SEC14L1: variants seen among roughly 807,000 people sequenced by gnomAD.
The protein encoded by SEC14L1 is SEC14 like lipid binding 1.
SEC14L1 carries 48 observed loss-of-function variants against 85.3 expected under a neutral mutation model. The observed-to-expected ratio is 0.56, with a 90% CI of 0.45 to 0.72. SEC14L1 has a LOEUF of 0.72. Among genes scored for constraint, SEC14L1 ranks in the 30% least tolerant of loss-of-function variants. The pLI, the probability that SEC14L1 is intolerant of heterozygous loss-of-function variation, is 0.00. For missense variants in SEC14L1, 682 were observed against 921.4 expected (o/e 0.74, Z 3.36); for synonymous variants, 391 against 355.5 (o/e 1.10, Z -1.12).
chr17:77,090,437 T>C (rs1455923011), intron 2 of SEC14L1, among the ~76,000 whole-genome samples: 1 of 148,728 alleles, frequency 6.7e-6, no homozygotes, highest in Non-Finnish European at 1.5e-5. Context: ...GGAGGATCAC[T>C]TGAGCTCAGG....
intron 3 of SEC14L1, among the ~76,000 whole-genome samples, chr17:77,171,512 G>T (rs904321261): frequency 1.3e-5 from 2 of 152,132 alleles, no homozygotes; most frequent in East Asian, 3.8e-4. Flanking sequence ...TACCTGGGAC[G>T]TGAACAACAG....
chr17:77,206,977 G>C lies in SEC14L1; in HGVS notation c.1476+115G>C. On this transcript the variant is annotated intron_variant, in intron 13 of 16. Transcript: ENST00000436233. The surrounding 1 kb of genome is among the most constrained non-coding windows in gnomAD (Gnocchi z 4.3). Reference sequence around the variant, plus strand: ...CCAGTTGTTTGGATGTTTTGTTTTTGTTTTGTTTCTTTTGGCCGCCATTTC... The same window carrying C: ...CCAGTTGTTTGGATGTTTTGTTTTTCTTTTGTTTCTTTTGGCCGCCATTTC... The C allele has an allele frequency of 8.3e-7, 1 of 1,200,926 alleles. No homozygotes were observed. The highest frequency in any genetic ancestry group is 1.1e-6 in the Non-Finnish European group (1 of 882,172). The allele number at this position is 1,200,926 out of a possible 1,614,324, so 74.4% of individuals were successfully genotyped here. A position where few individuals can be genotyped will look rare whatever the true frequency, so the allele number is the denominator to read the frequency against.
At chr17:77,174,241 C>T (rs1378887020) in intron 3 of SEC14L1, among the ~76,000 whole-genome samples, 1 of 152,110 alleles carries the variant, frequency 6.6e-6, no homozygotes, top group Non-Finnish European at 1.5e-5. Context: ...TCTTTAGAGG[C>T]CCAACCCCCC....
At chr17:77,191,123 G>T in intron 4 of SEC14L1, 58 bp from the exon 5 acceptor site, 1 of 1,570,884 alleles carries the variant, frequency 6.4e-7, no homozygotes, top group African/African-American at 1.4e-5. Context: ...TTATACTATA[G>T]CTTCTGTGCT....
intron 3 of SEC14L1, among the ~76,000 whole-genome samples, chr17:77,117,352 A>G (rs903389260): frequency 1.3e-5 from 2 of 152,196 alleles, no homozygotes; most frequent in African/African-American, 4.8e-5. Context: ...GTCTCAGAAA[A>G]GCAGAACAAA....
At chr17:77,174,002 G>A (rs1974639483) in intron 3 of SEC14L1, among the ~76,000 whole-genome samples, 1 of 152,032 alleles carries the variant, frequency 6.6e-6, no homozygotes, top group African/African-American at 2.4e-5. Flanking sequence ...CTGGGTTCAA[G>A]CGATTCTTCT....
intron 3 of SEC14L1, among the ~76,000 whole-genome samples, chr17:77,155,079 T>C (rs1973746453): frequency 6.6e-6 from 1 of 152,182 alleles, no homozygotes; most frequent in African/African-American, 2.4e-5. Flanking sequence ...TCTGGCTCTC[T>C]TACTGGGCAG....
At chr17:77,133,938 C>CAAAAAA (rs539944837) in intron 3 of SEC14L1, among the ~76,000 whole-genome samples, 1 of 93,794 alleles carries the variant, frequency 1.1e-5, no homozygotes, top group African/African-American at 4.2e-5. Flanking sequence ...GACTCCATCT[C>CAAAAAA]AAAAAAAAAA....
intron 3 of SEC14L1, among the ~76,000 whole-genome samples, chr17:77,179,082 C>T (rs1288947227): frequency 6.6e-6 from 1 of 152,164 alleles, no homozygotes; most frequent in Non-Finnish European, 1.5e-5. Context: ...ATGTCTGGAA[C>T]TCTTGGAGCA....
intron 3 of SEC14L1, among the ~76,000 whole-genome samples, chr17:77,098,221 C>T (rs563873035): frequency 9.1e-4 from 138 of 152,176 alleles, no homozygotes; most frequent in African/African-American, 2.9e-3. Context: ...GTTCTAGGCC[C>T]GGTGCAGTGG....
At chr17:77,169,334 TG>T (rs1452812331) in intron 3 of SEC14L1, among the ~76,000 whole-genome samples, 1 of 152,168 alleles carries the variant, frequency 6.6e-6, no homozygotes, top group East Asian at 1.9e-4. Flanking sequence ...GGGGCTGACC[TG>T]CGGGGTCTTT....
intron 3 of SEC14L1, among the ~76,000 whole-genome samples, chr17:77,113,379 C>G (rs1406561886): frequency 6.6e-6 from 1 of 152,102 alleles, no homozygotes. Context: ...TCCCAGCCAG[C>G]CTTCCCTTCT....
chr17:77,212,572 C>T (rs576113151), intron 15 of SEC14L1: 2 of 250,152 alleles, frequency 8.0e-6, no homozygotes, highest in South Asian at 1.1e-4. Flanking sequence ...GGGACAAGTA[C>T]TTAGAGAACT....
At chr17:77,139,778 G>A (rs973454191), upstream of SEC14L1, among the ~76,000 whole-genome samples, 2 of 152,102 alleles carry the variant, frequency 1.3e-5, no homozygotes, top group African/African-American at 4.8e-5. Context: ...GATTACAGGC[G>A]TGAGCCACCG....
intron 8 of SEC14L1, among the ~76,000 whole-genome samples, chr17:77,200,282 G>T (rs1310463320): frequency 6.6e-6 from 1 of 152,046 alleles, no homozygotes; most frequent in African/African-American, 2.4e-5. Flanking sequence ...TGATCCGCCT[G>T]CTTCAGCCTC....
At chr17:77,188,526 G>A (rs1013888615) in intron 3 of SEC14L1, among the ~76,000 whole-genome samples, 2 of 151,600 alleles carry the variant, frequency 1.3e-5, no homozygotes, top group Non-Finnish European at 1.5e-5. Flanking sequence ...TGGCTGCAGC[G>A]CAGTCCATTT....
At chr17:77,099,398 G>T (rs1007603993) in intron 3 of SEC14L1, among the ~76,000 whole-genome samples, 4 of 152,130 alleles carry the variant, frequency 2.6e-5, no homozygotes, top group Non-Finnish European at 5.9e-5. Context: ...TTGCTCAGTT[G>T]TCATCTTCTA....
chr17:77,093,348 G>A lies in SEC14L1; in HGVS notation c.-136+1G>A, dbSNP rs930330115. 7 of 152,240 alleles carry A rather than the reference G, an allele frequency of 4.6e-5. No individual in the cohort carries two copies. The highest frequency in any genetic ancestry group is 7.2e-5 in the African/African-American group (3 of 41,446). The allele number at this position is 152,240 out of a possible 1,614,324, so 9.4% of individuals were successfully genotyped here. ...ATTGTTTTGGCCTAGGATCATCCAGGTTTGTTTGGTTTAGTTCTTGACCAC... is the reference window on the plus strand; with the variant it reads ...ATTGTTTTGGCCTAGGATCATCCAGATTTGTTTGGTTTAGTTCTTGACCAC... On this transcript the variant is annotated splice_donor_variant, in intron 3 of 19. Transcript: ENST00000392476. LOFTEE classifies it low-confidence loss of function (5UTR_SPLICE).
chr17:77,188,904 C>T (rs1975394124), intron 3 of SEC14L1, among the ~76,000 whole-genome samples: 1 of 151,972 alleles, frequency 6.6e-6, no homozygotes, highest in Non-Finnish European at 1.5e-5. Context: ...CTCTCGTGTG[C>T]TTATTTGCCA....
Sources: allele counts gnomAD v4.1 joint callset (sites outside exome capture counted in the v4.1 genomes callset), GRCh38; gene constraint gnomAD v4.1.1; non-coding constraint Gnocchi (gnomAD v3.1); transcripts MANE v1.5; gene names NCBI Gene and HGNC (gene_info 2026-07-23, HGNC 2026-07-21).